OPRM1: variants seen among roughly 807,000 people sequenced by gnomAD.
OPRM1 encodes opioid receptor mu 1.
Under a neutral mutation model 31.8 loss-of-function variants are expected in OPRM1, and 27 were observed. That is an observed-to-expected ratio of 0.85 (90% CI 0.63 to 1.17). The LOEUF is 1.17. Ranked by LOEUF, OPRM1 falls within the 50% of genes most tolerant of loss-of-function variation. OPRM1 has a pLI of 0.00. For missense variants in OPRM1, 536 were observed against 511.1 expected (o/e 1.05, Z -0.47); for synonymous variants, 196 against 189.9 (o/e 1.03, Z -0.26).
At chr6:154,242,938 C>A (rs543890647) in intron 3 of OPRM1, among the ~76,000 whole-genome samples, 20 of 152,072 alleles carry the variant, frequency 1.3e-4, no homozygotes, top group African/African-American at 4.8e-4. Flanking sequence ...AGAGAGGAAG[C>A]CAAATTTAGG....
intron 3 of OPRM1, among the ~76,000 whole-genome samples, chr6:154,226,968 G>C (rs1413095672): frequency 6.6e-6 from 1 of 152,068 alleles, no homozygotes; most frequent in Admixed American, 6.5e-5. Context: ...AGGCCAAGGT[G>C]GGCGGATCAC....
intron 3 of OPRM1, among the ~76,000 whole-genome samples, chr6:154,097,587 G>A (rs1368401276): frequency 4.2e-5 from 1 of 23,650 alleles, no homozygotes; most frequent in Non-Finnish European, 6.9e-5. Flanking sequence ...AAATGGTTCC[G>A]TGTGTGTGTG....
intron 1 of OPRM1, among the ~76,000 whole-genome samples, chr6:154,080,568 C>G (rs1562438321): frequency 6.6e-6 from 1 of 152,214 alleles, no homozygotes; most frequent in African/African-American, 2.4e-5. Context: ...TATCTTTCCT[C>G]CCTGTCTCGC....
At chr6:154,230,653 T>C (rs562834427) in intron 3 of OPRM1, among the ~76,000 whole-genome samples, 1 of 152,218 alleles carries the variant, frequency 6.6e-6, no homozygotes, top group African/African-American at 2.4e-5. Context: ...TATAGGAAAC[T>C]GTCATGTAGT....
chr6:154,210,943 TTTAA>T (rs1777908817), intron 3 of OPRM1, among the ~76,000 whole-genome samples: 1 of 152,202 alleles, frequency 6.6e-6, no homozygotes, highest in Non-Finnish European at 1.5e-5. Context: ...GAGGTCATTA[TTTAA>T]ATAATCAATA....
At chr6:154,065,227 GCAACCT>G (rs879907934) in intron 1 of OPRM1, among the ~76,000 whole-genome samples, 12 of 148,018 alleles carry the variant, frequency 8.1e-5, no homozygotes, top group Non-Finnish European at 1.2e-4. Context: ...TCGGCTCACT[GCAACCT>G]CCACCTCCCG....
In OPRM1 at chr6:154,130,314, G is replaced by T. The variant is rs1424638391; in HGVS notation, c.*11593G>T. Reference sequence around the variant, plus strand: ...CTCCTGAGTAGCTGGGACTACAGGTGCCCGCCACAACACCTGGCTAATTTT... The same window carrying T: ...CTCCTGAGTAGCTGGGACTACAGGTTCCCGCCACAACACCTGGCTAATTTT... On this transcript the variant is annotated 3_prime_UTR_variant, in exon 4 of 4. Coordinates refer to ENST00000330432, the MANE Select transcript of OPRM1 (RefSeq NM_000914.5). Among the ~76,000 whole-genome samples the T allele has an allele frequency of 1.3e-5, 2 of 151,534 alleles. No homozygotes were observed. Among genetic ancestry groups the T allele is most frequent in the African/African-American group, 4.9e-5 (2 of 41,220 alleles).
Position 154,181,600 on chromosome 6 carries a change from G to T in OPRM1, c.1165-65093G>T, listed in dbSNP as rs1800876110. Among the ~76,000 whole-genome samples the T allele has an allele frequency of 2.0e-5, 3 of 152,192 alleles. No homozygotes were observed. In the South Asian group the frequency reaches 6.2e-4, roughly 31 times the overall value. ...ATAGTCACTGAGATAGCAGTTGACT[G>T]AACTGGACAGACCAAGGCTCAGATC... On this transcript the variant is annotated intron_variant, in intron 3 of 3. Coordinates refer to the OPRM1 transcript ENST00000337049.
intron 1 of OPRM1, among the ~76,000 whole-genome samples, chr6:154,015,500 G>T (rs893039770): frequency 1.3e-5 from 2 of 151,934 alleles, no homozygotes; most frequent in Non-Finnish European, 2.9e-5. Flanking sequence ...TCATACATGA[G>T]AATAAATTCC....
intron 3 of OPRM1, among the ~76,000 whole-genome samples, chr6:154,231,970 T>G (rs117944458): frequency 2.6e-5 from 4 of 152,362 alleles, no homozygotes; most frequent in African/African-American, 9.6e-5. Flanking sequence ...ACTTTGACTA[T>G]ACGTATTTCA....
Position 154,039,578 on chromosome 6 carries a change from A to G in OPRM1, c.34A>G (p.Asn12Asp). 1 of 1,613,570 alleles carries G rather than the reference A, an allele frequency of 6.2e-7. No homozygotes were observed. Among genetic ancestry groups the G allele is most frequent in the Non-Finnish European group, 8.5e-7 (1 of 1,179,818 alleles). Residue 12 changes from asparagine to aspartate, a missense_variant, in exon 1 of 4, where the codon AAT (asparagine) becomes GAT (aspartate). Physicochemically the swap from Asn to Asp is conservative, Grantham distance 23. Coordinates refer to ENST00000330432, the MANE Select transcript of OPRM1 (RefSeq NM_000914.5). ...CAGCGCTGCCCCCACGAACGCCAGC[A>G]ATTGCACTGATGCCTTGGCGTACTC... ...DSSAAPTNAS[N>D]CTDALAYSSC...
At chr6:154,232,725 C>T (rs1281203704) in intron 3 of OPRM1, among the ~76,000 whole-genome samples, 6 of 151,984 alleles carry the variant, frequency 3.9e-5, no homozygotes, top group Non-Finnish European at 8.8e-5. Flanking sequence ...CTCTGACATC[C>T]GAGGCAGAGT....
intron 1 of OPRM1, among the ~76,000 whole-genome samples, chr6:154,016,866 G>T (rs1778032860): frequency 6.6e-6 from 1 of 152,090 alleles, no homozygotes; most frequent in African/African-American, 2.4e-5. Flanking sequence ...TGGAAATCAG[G>T]TCACTAGCCA....
chr6:154,208,888 T>C (rs539605250), intron 3 of OPRM1, among the ~76,000 whole-genome samples: 1 of 152,266 alleles, frequency 6.6e-6, no homozygotes, highest in Admixed American at 6.5e-5. Context: ...TTGGAGCCTT[T>C]TCAGTAAGCC....
chr6:154,165,975 T>A (rs1799393612), intron 3 of OPRM1, among the ~76,000 whole-genome samples: 1 of 152,194 alleles, frequency 6.6e-6, no homozygotes, highest in African/African-American at 2.4e-5. Flanking sequence ...ATAATTAACA[T>A]GCAGGAGTTT....
intron 3 of OPRM1, among the ~76,000 whole-genome samples, chr6:154,186,867 T>C (rs1201203220): frequency 6.6e-6 from 1 of 152,102 alleles, no homozygotes; most frequent in Non-Finnish European, 1.5e-5. Context: ...AGAGCAGCTC[T>C]TTTCAAATTT....
intron 1 of OPRM1, among the ~76,000 whole-genome samples, chr6:154,069,180 C>A (rs1786109862): frequency 6.6e-6 from 1 of 152,136 alleles, no homozygotes; most frequent in Admixed American, 6.5e-5. Flanking sequence ...TAATTTGTCT[C>A]CTGCAGTGTG....
At position 154,125,296 on chromosome 6, in the gene OPRM1, A is replaced by G. The variant is rs76492191; in HGVS notation, c.*6575A>G. ...GAATTTGCCTCTATCATGCATCTCA[A>G]TGATTTGTTGTCATCCAAAGCTATT... On this transcript the variant is annotated 3_prime_UTR_variant, in exon 4 of 4. Transcript: ENST00000330432. 0.017 allele frequency among the ~76,000 whole-genome samples: 2,527 copies of G among 152,244 alleles called. 66 individuals carry two copies. The highest frequency in any genetic ancestry group is 0.059 in the African/African-American group (2,438 of 41,532).
chr6:154,097,399 C>G (rs1277726460), intron 3 of OPRM1, among the ~76,000 whole-genome samples: 1 of 152,102 alleles, frequency 6.6e-6, no homozygotes, highest in Admixed American at 6.6e-5. Flanking sequence ...AAGTTGATCT[C>G]AGTTTTTTTT....
Sources: allele counts gnomAD v4.1 joint callset (sites outside exome capture counted in the v4.1 genomes callset), GRCh38; gene constraint gnomAD v4.1.1; transcripts MANE v1.5; gene names NCBI Gene and HGNC (gene_info 2026-07-23, HGNC 2026-07-21).